ADAMTS20: variants seen among roughly 807,000 people sequenced by gnomAD.
ADAMTS20 encodes A disintegrin and metalloproteinase with thrombospondin motifs 20.
Under a neutral mutation model 260.1 loss-of-function variants are expected in ADAMTS20, and 225 were observed. The observed-to-expected ratio is 0.87, with a 90% confidence interval of 0.78 to 0.97. The LOEUF is 0.97. Among genes scored for constraint, ADAMTS20 ranks in the 50% least tolerant of loss-of-function variants. The pLI is 0.00. For synonymous variants in ADAMTS20, 802 were observed against 769.5 expected, an observed-to-expected ratio of 1.04 and a Z score of -0.70; for missense variants, 2,400 against 2,337.7, an observed-to-expected ratio of 1.03 and a Z score of -0.55.
chr12:43,495,729 T>TG (rs1362724678), intron 4 of ADAMTS20, among the ~76,000 whole-genome samples: 2 of 152,196 alleles, frequency 1.3e-5, no homozygotes, highest in African/African-American at 4.8e-5. Flanking sequence ...CACAGTCCTC[T>TG]GGGGGTAAAA....
At chr12:43,500,990 A>G (rs2137444705) in intron 4 of ADAMTS20, among the ~76,000 whole-genome samples, 1 of 151,392 alleles carries the variant, frequency 6.6e-6, no homozygotes, top group South Asian at 2.1e-4. Flanking sequence ...ATGTGAATAG[A>G]AGTACTTCCA....
At chr12:43,394,368 C>G (rs913333849) in intron 29 of ADAMTS20, among the ~76,000 whole-genome samples, 2 of 151,992 alleles carry the variant, frequency 1.3e-5, no homozygotes, top group African/African-American at 4.8e-5. Context: ...GAATAGGCAC[C>G]ACTTCAAATA....
At chr12:43,472,560 G>T (rs1415787372) in intron 7 of ADAMTS20, among the ~76,000 whole-genome samples, 147 of 134,318 alleles carry the variant, frequency 1.1e-3, no homozygotes, top group South Asian at 1.7e-3. Flanking sequence ...TGAAATGAAG[G>T]AAAAAATGTG....
rs1427282561 is a variant in ADAMTS20, at chr12:43,429,714, A to AG, written c.3391dup (p.Leu1131ProfsTer9). On this transcript the variant is annotated frameshift_variant, in exon 24 of 39. Transcript: ENST00000389420. LOFTEE classifies it high-confidence loss of function. ...TTTAGAAATAAATGAGCAAGGTGTA[A>AG]GTACACAGCTCTGTTCAGAAGAAAA... 12 of 1,579,436 alleles carry AG rather than the reference A, an allele frequency of 7.6e-6. No individual in the cohort carries two copies. The highest frequency in any genetic ancestry group is 1.0e-5 in the Non-Finnish European group (12 of 1,160,640).
intron 3 of ADAMTS20, among the ~76,000 whole-genome samples, chr12:43,503,686 A>G (rs948382628): frequency 3.3e-5 from 5 of 151,960 alleles, no homozygotes; most frequent in African/African-American, 4.8e-5. Flanking sequence ...ATGTTACCCC[A>G]TATTTGTTTT....
intron 28 of ADAMTS20, among the ~76,000 whole-genome samples, chr12:43,415,704 G>A (rs1190345031): frequency 6.6e-6 from 1 of 152,110 alleles, no homozygotes; most frequent in Non-Finnish European, 1.5e-5. Flanking sequence ...GAGTCAAACT[G>A]AGGCATTCTA....
intron 3 of ADAMTS20, among the ~76,000 whole-genome samples, chr12:43,512,439 A>G (rs1942938225): frequency 6.6e-6 from 1 of 151,684 alleles, no homozygotes; most frequent in South Asian, 2.1e-4. Context: ...TATAAACCTG[A>G]AATATATTTA....
chr12:43,432,183 A>G, intron 21 of ADAMTS20, 121 bp downstream of exon 21: 1 of 1,138,952 alleles, frequency 8.8e-7, no homozygotes, highest in Non-Finnish European at 1.2e-6. Context: ...CAGCTTTGAT[A>G]ATAGTTATTT....
intron 7 of ADAMTS20, among the ~76,000 whole-genome samples, chr12:43,487,014 A>C (rs7964682): frequency 0.7 from 106,129 of 152,086 alleles, 37,399 homozygotes; most frequent in East Asian, 1. Context: ...AAATAGTATG[A>C]AGATTTCTCA....
intron 29 of ADAMTS20, among the ~76,000 whole-genome samples, chr12:43,397,226 C>T (rs549802020): frequency 2.0e-5 from 3 of 152,230 alleles, no homozygotes; most frequent in Non-Finnish European, 4.4e-5. Context: ...GGTGTGGAAA[C>T]AAAATGTCCA....
intron 15 of ADAMTS20, 49 bp from the exon 16 acceptor site, chr12:43,443,932 C>T: frequency 6.7e-7 from 1 of 1,486,542 alleles, no homozygotes; most frequent in Non-Finnish European, 9.4e-7. Flanking sequence ...GCAGATGGCC[C>T]AGAGGTTATT....
At chr12:43,361,053 C>T (rs1177593928) in intron 37 of ADAMTS20, among the ~76,000 whole-genome samples, 2 of 152,208 alleles carry the variant, frequency 1.3e-5, no homozygotes, top group African/African-American at 2.4e-5. Flanking sequence ...TCGACATATG[C>T]ATTCTAAAGT....
At chr12:43,358,460 G>A (rs918150681) in intron 37 of ADAMTS20, among the ~76,000 whole-genome samples, 3 of 152,150 alleles carry the variant, frequency 2.0e-5, no homozygotes, top group Admixed American at 6.5e-5. Flanking sequence ...AAAATTAACT[G>A]ACTGGCAGAC....
At chr12:43,461,042 G>C (rs1307831878) in intron 11 of ADAMTS20, among the ~76,000 whole-genome samples, 1 of 121,990 alleles carries the variant, frequency 8.2e-6, no homozygotes, top group African/African-American at 3.2e-5. Context: ...TCCCCTAGTA[G>C]TGCAAAGGCG....
chr12:43,428,800 CT>C lies in ADAMTS20; in HGVS notation c.3490-2del. Reference sequence around the variant, plus strand: ...TACCTCTTCCACAAGATACGGAGCACTTTTTAAGAAATCAAATTGTATCCGG... The same window carrying C: ...TACCTCTTCCACAAGATACGGAGCACTTTTAAGAAATCAAATTGTATCCGG... On this transcript the variant is annotated splice_acceptor_variant, in intron 24 of 38. Transcript: ENST00000389420. LOFTEE classifies it high-confidence loss of function. 1 of 1,600,930 alleles carries C rather than the reference CT, an allele frequency of 6.2e-7. No homozygotes were observed. The highest frequency in any genetic ancestry group is 1.7e-5 in the Admixed American group (1 of 59,394).
At chr12:43,403,638 T>A (rs1255892792) in intron 28 of ADAMTS20, among the ~76,000 whole-genome samples, 2 of 152,078 alleles carry the variant, frequency 1.3e-5, no homozygotes, top group East Asian at 3.8e-4. Flanking sequence ...CATTTTTTTT[T>A]AAAGAGAGAA....
chr12:43,445,482 A>G (rs1392916810), intron 15 of ADAMTS20, among the ~76,000 whole-genome samples: 1 of 152,186 alleles, frequency 6.6e-6, no homozygotes, highest in Admixed American at 6.5e-5. Context: ...GTTTTAAATT[A>G]TACTGTTTTA....
rs192450529 is a variant in ADAMTS20 at position 43,452,215 on chromosome 12, A to G, written c.2079+59T>C. On this transcript the variant is annotated intron_variant, in intron 14 of 38. Coordinates refer to ENST00000389420, the MANE Select transcript of ADAMTS20 (RefSeq NM_025003.5). Reference sequence around the variant, plus strand: ...AAGTAATATTTGGTTATATAAATCGAAAAAAAACATTATTCTTAAAGTCAC... The same window carrying G: ...AAGTAATATTTGGTTATATAAATCGGAAAAAAACATTATTCTTAAAGTCAC... 1.2e-4 allele frequency: 185 copies of G among 1,503,170 alleles called. 1 individual carries two copies. In the South Asian group the frequency reaches 1.4e-3, roughly 11 times the overall value. The allele number at this position is 1,503,170 out of a possible 1,614,324, so 93.1% of individuals were successfully genotyped here.
chr12:43,390,610 A>G (rs1940576545), intron 29 of ADAMTS20, among the ~76,000 whole-genome samples: 1 of 152,232 alleles, frequency 6.6e-6, no homozygotes, highest in African/African-American at 2.4e-5. Context: ...GAACATGAGT[A>G]CAGTTCTGTC....
Sources: gnomAD v4.1 joint callset for allele counts (sites outside exome capture counted in the v4.1 genomes callset) on GRCh38, gnomAD v4.1.1 for gene constraint, MANE v1.5 for transcripts, NCBI Gene and HGNC (gene_info 2026-07-23, HGNC 2026-07-21) for gene names.